Variants in SMOC1 observed in about 807,000 individuals in gnomAD.
The protein encoded by SMOC1 is SPARC related modular calcium binding 1, also known as SPARC-related modular calcium-binding protein 1.
A neutral mutation model predicts 56.3 loss-of-function variants in SMOC1; 22 were observed. The ratio of observed to expected loss-of-function variants is 0.39; its 90% CI spans 0.28 to 0.56. SMOC1 has a LOEUF of 0.56. Among genes scored for constraint, SMOC1 ranks in the 20% least tolerant of loss-of-function variants. The pLI, the probability that SMOC1 is intolerant of heterozygous loss-of-function variation, is 0.61. For missense variants in SMOC1, 509 were observed against 565.4 expected (o/e 0.90, Z 1.01); for synonymous variants, 193 against 215.0 (o/e 0.90, Z 0.89).
chr14:69,934,231 G>A (rs1056145668), intron 1 of SMOC1, among the ~76,000 whole-genome samples: 4 of 152,124 alleles, frequency 2.6e-5, no homozygotes, highest in African/African-American at 9.7e-5. Context: ...TTTCTTTGCT[G>A]TGTCCCGTTG....
intron 1 of SMOC1, among the ~76,000 whole-genome samples, chr14:69,946,573 A>C (rs1483998365): frequency 6.6e-6 from 1 of 152,222 alleles, no homozygotes. Flanking sequence ...ATTTCCCTCT[A>C]GGAGGAAATG....
intron 1 of SMOC1, among the ~76,000 whole-genome samples, chr14:69,899,170 G>A (rs1468032038): frequency 6.6e-6 from 1 of 152,168 alleles, no homozygotes; most frequent in Non-Finnish European, 1.5e-5. Flanking sequence ...GATGGCAAAG[G>A]CCTTGTTACG....
chr14:69,916,218 C>T (rs1308046112), intron 1 of SMOC1, among the ~76,000 whole-genome samples: 1 of 152,098 alleles, frequency 6.6e-6, no homozygotes, highest in East Asian at 1.9e-4. Context: ...CATCCTTGAC[C>T]CTCCTCTTTC....
chr14:69,905,153 G>C (rs562685515), intron 1 of SMOC1, among the ~76,000 whole-genome samples: 1 of 152,132 alleles, frequency 6.6e-6, no homozygotes, highest in Admixed American at 6.6e-5. Flanking sequence ...ATGATGATGG[G>C]AAGAGGTGCT....
At chr14:70,029,491 A>G (rs895400269) in intron 11 of SMOC1, among the ~76,000 whole-genome samples, 1 of 152,212 alleles carries the variant, frequency 6.6e-6, no homozygotes, top group Non-Finnish European at 1.5e-5. Context: ...TTGGCCAGTA[A>G]TAAGTTCACC....
At chr14:69,920,268 T>G (rs1884802269) in intron 1 of SMOC1, among the ~76,000 whole-genome samples, 1 of 152,142 alleles carries the variant, frequency 6.6e-6, no homozygotes, top group Non-Finnish European at 1.5e-5. Flanking sequence ...TAAGAATGAG[T>G]GAACCCCAAA....
rs989840628 is a variant in SMOC1 at position 70,030,800 on chromosome 14, T to A, written c.*542T>A. The A allele has an allele frequency of 1.3e-5, 2 of 153,314 alleles. No individual in the cohort carries two copies. The highest frequency in any genetic ancestry group is 4.8e-5 in the African/African-American group (2 of 41,432). The allele number at this position is 153,314 out of a possible 1,614,324, so 9.5% of individuals were successfully genotyped here. On this transcript the variant is annotated 3_prime_UTR_variant, in exon 12 of 12. Transcript: ENST00000361956. ...GTGTATAAAGACGGGAGTCCTGCAA[T>A]TGTACTGCGGACTCCACGAGTTCTT...
chr14:69,984,855 TCAAACAAA>T (rs374247826), intron 5 of SMOC1, among the ~76,000 whole-genome samples: 177 of 146,840 alleles, frequency 1.2e-3, no homozygotes, highest in African/African-American at 4.1e-3. Flanking sequence ...AGACTCCATC[TCAAACAAA>T]CAAACAAACA....
At chr14:69,962,310 G>A (rs1031547939) in intron 3 of SMOC1, among the ~76,000 whole-genome samples, 5 of 151,912 alleles carry the variant, frequency 3.3e-5, no homozygotes, top group Admixed American at 6.6e-5. Context: ...TTATAAGCGC[G>A]TGCCACCAAG....
chr14:69,959,856 A>G (rs1210705032), intron 3 of SMOC1, among the ~76,000 whole-genome samples: 2 of 152,112 alleles, frequency 1.3e-5, no homozygotes, highest in Non-Finnish European at 2.9e-5. Flanking sequence ...CATAGTTCTT[A>G]CTATTGTATT....
At chr14:70,021,063 G>C (rs984833282) in intron 10 of SMOC1, among the ~76,000 whole-genome samples, 1 of 152,120 alleles carries the variant, frequency 6.6e-6, no homozygotes, top group Non-Finnish European at 1.5e-5. Flanking sequence ...TAGACATTAC[G>C]CTATACTGAG....
intron 1 of SMOC1, among the ~76,000 whole-genome samples, chr14:69,925,127 A>G (rs1371220012): frequency 0.017 from 217 of 12,776 alleles, 74 homozygotes; most frequent in East Asian, 0.078. Flanking sequence ...GGAGCTAGAG[A>G]AGGAGGGGAG....
intron 11 of SMOC1, among the ~76,000 whole-genome samples, chr14:70,027,009 G>T (rs1057348219): frequency 3.3e-5 from 5 of 152,184 alleles, no homozygotes; most frequent in Non-Finnish European, 2.9e-5. Context: ...ATTAATCAAT[G>T]GGGTGGGGTG....
chr14:69,935,615 C>T (rs907170001), intron 1 of SMOC1, among the ~76,000 whole-genome samples: 3 of 152,192 alleles, frequency 2.0e-5, no homozygotes, highest in African/African-American at 7.2e-5. Flanking sequence ...TAAAGAGACA[C>T]CTGTGTTGTG....
At chr14:69,946,649 G>C (rs571464014) in intron 1 of SMOC1, among the ~76,000 whole-genome samples, 2 of 152,148 alleles carry the variant, frequency 1.3e-5, no homozygotes, top group Non-Finnish European at 2.9e-5. Flanking sequence ...TCCACCAACC[G>C]TGATTGCTCC....
chr14:69,985,941 GA>G (rs1884348531), intron 5 of SMOC1, among the ~76,000 whole-genome samples: 1 of 152,072 alleles, frequency 6.6e-6, no homozygotes, highest in South Asian at 2.1e-4. Flanking sequence ...TATGTATGGG[GA>G]AAAAACAGGA....
Position 70,011,496 on chromosome 14 carries a change from C to T in SMOC1, c.869C>T (p.Pro290Leu), listed in dbSNP as rs762639625. ...CTCTCTTTTCCCAGCTACGTGATGC[C>T]CAGTTGTGAGAGCGACGCCAGGGCC... ...LPGTSTRYVM[P>L]SCESDARAKT... The change falls in exon 9 of 12, where the codon CCC (proline) becomes CTC (leucine). Residue 290 changes from proline to leucine, a missense_variant. Around this residue, in one of 3 missense-constraint regions of SMOC1, gnomAD observed 18 missense variants for 44.2 expected, o/e 0.41. Coordinates refer to ENST00000361956, the MANE Select transcript of SMOC1 (RefSeq NM_001034852.3). 6 of 1,605,000 alleles carry T rather than the reference C, an allele frequency of 3.7e-6. No individual in the cohort carries two copies. Among genetic ancestry groups the T allele is most frequent in the Non-Finnish European group, 5.1e-6 (6 of 1,175,060 alleles).
intron 7 of SMOC1, among the ~76,000 whole-genome samples, chr14:69,999,415 C>T (rs1394729561): frequency 6.6e-6 from 1 of 152,200 alleles, no homozygotes; most frequent in Non-Finnish European, 1.5e-5. Flanking sequence ...CGCAGGGAAA[C>T]CAGCGGTAGC....
chr14:70,021,737 T>C (rs568034109), intron 10 of SMOC1, among the ~76,000 whole-genome samples: 1 of 152,158 alleles, frequency 6.6e-6, no homozygotes, highest in Non-Finnish European at 1.5e-5. Context: ...ATGGAACTTC[T>C]TTTTCCCTGA....
Sources: allele counts gnomAD v4.1 joint callset (sites outside exome capture counted in the v4.1 genomes callset), GRCh38; gene constraint gnomAD v4.1.1; regional missense constraint gnomAD v4.1.1; transcripts MANE v1.5; gene names NCBI Gene and HGNC (gene_info 2026-07-23, HGNC 2026-07-21).